The following ITIH1 variants were observed in gnomAD, a reference collection of about 807,000 sequenced individuals.
ITIH1 encodes inter-alpha-trypsin inhibitor heavy chain 1.
In ITIH1, 94 loss-of-function variants were observed where a neutral mutation model predicts 104.6. That is an observed-to-expected ratio of 0.90 (90% confidence interval 0.76 to 1.07). The LOEUF is 1.07. ITIH1 is among the 50% of genes least tolerant of loss of function. The pLI is 0.00. For missense variants in ITIH1, 1,193 were observed against 1,181.4 expected (o/e 1.01, Z -0.14); for synonymous variants, 455 against 464.4 (o/e 0.98, Z 0.26).
At chr3:52,783,696 C>G (rs1335190599) in intron 10 of ITIH1, among the ~76,000 whole-genome samples, 1 of 152,090 alleles carries the variant, frequency 6.6e-6, no homozygotes, top group African/African-American at 2.4e-5. Flanking sequence ...GGGAACAAGA[C>G]ATATTTCTGC....
intron 12 of ITIH1, among the ~76,000 whole-genome samples, chr3:52,785,949 G>T (rs1347584639): frequency 2.6e-5 from 4 of 152,220 alleles, no homozygotes; most frequent in African/African-American, 4.8e-5. Context: ...ACATTTGTGT[G>T]CCGTGGCAAG....
chr3:52,781,410 C>A (rs1044759323), intron 6 of ITIH1, among the ~76,000 whole-genome samples: 10 of 151,668 alleles, frequency 6.6e-5, no homozygotes, highest in African/African-American at 2.4e-4. Context: ...GATGAGCCTA[C>A]CTTACTTTTA....
intron 6 of ITIH1, among the ~76,000 whole-genome samples, chr3:52,781,198 TTTTTTTTTTTTTCTTCTTCTTCTTCTTC>T (rs1179429415): frequency 1.1e-4 from 5 of 43,854 alleles, no homozygotes; most frequent in African/African-American, 5.2e-4. Flanking sequence ...CCTCCTCTTC[TTTTTTTTTTTTTCTTCTTCTTCTTCTTC>T]TTCTTCTTCT....
rs990951650 is a variant in ITIH1 at position 52,779,208 on chromosome 3, C to T, written c.410+162C>T. Among the ~76,000 whole-genome samples the T allele has an allele frequency of 4.6e-5, 7 of 152,300 alleles. No individual in the cohort carries two copies. The East Asian group carries it at 9.7e-4, about 21-fold the overall frequency. On this transcript the variant is annotated intron_variant, in intron 4 of 21. Coordinates refer to ENST00000273283, the MANE Select transcript of ITIH1 (RefSeq NM_002215.4). The surrounding 1 kb of genome is among the most constrained non-coding windows in gnomAD (Gnocchi z 4.4). ...CAGCACGGTGCACTGAACAGGCTGC[C>T]GTGCAGTTGCCCTTTTCCCAGATAT...
At chr3:52,781,321 C>CCTT (rs35432560) in intron 6 of ITIH1, among the ~76,000 whole-genome samples, 34,915 of 113,400 alleles carry the variant, frequency 0.31, 7,856 homozygotes, top group Middle Eastern at 0.44. Context: ...TTCTCCTTCT[C>CCTT]CTTCTTCTTC....
rs530950984 is a variant in ITIH1 at position 52,786,212 on chromosome 3, A to T, written c.1594-83A>T. The T allele has an allele frequency of 1.8e-5, 25 of 1,398,250 alleles. No individual in the cohort carries two copies. In the African/African-American group the frequency reaches 3.2e-4, roughly 18 times the overall value. The allele number at this position is 1,398,250 out of a possible 1,614,324, so 86.6% of individuals were successfully genotyped here. The stretch of plus-strand genomic sequence containing the variant: ...GGACGAAGCTGCAGATACCAGACGA[A>T]ATGGGCCCCTCAGAGCCCCTAGCAC... On this transcript the variant is annotated intron_variant, in intron 12 of 21. Transcript: ENST00000273283.
chr3:52,788,731 T>C (rs563238880), intron 18 of ITIH1, among the ~76,000 whole-genome samples: 1 of 152,134 alleles, frequency 6.6e-6, no homozygotes, highest in Non-Finnish European at 1.5e-5. Context: ...TGGTTTATTT[T>C]TGTATTTTTA....
chr3:52,780,372 C>T lies in ITIH1; in HGVS notation c.677C>T (p.Ser226Leu). 6.2e-7 allele frequency: 1 copy of T among 1,612,664 alleles called. No homozygotes were observed. ...LAAQTIKKSFSGKKGHVLFRP... is the reference protein window; with the variant it reads ...LAAQTIKKSFLGKKGHVLFRP... The stretch of plus-strand genomic sequence containing the variant: ...GCCCAAACTATCAAGAAGTCCTTCT[C>T]AGGAAAAAAGGTACATGGGATAGCA... The change falls in exon 6 of 22, where the codon TCA becomes TTA. Residue 226 changes from serine to leucine, a missense_variant. Coordinates refer to ENST00000273283, the MANE Select transcript of ITIH1 (RefSeq NM_002215.4).
intron 19 of ITIH1, 39 bp from the exon 20 acceptor site, chr3:52,790,710 T>G: frequency 6.3e-7 from 1 of 1,596,596 alleles, no homozygotes; most frequent in Non-Finnish European, 8.5e-7. Context: ...AGGGATGCAG[T>G]GCAGCCGCAC....
chr3:52,779,331 A>C lies in ITIH1; in HGVS notation c.411-101A>C. ...CCAGGGAAACCTGGGAGCAACACTC[A>C]TCTAAGAGAAATAAATTCTGTGGGC... On this transcript the variant is annotated intron_variant, in intron 4 of 21. Transcript: ENST00000273283. The surrounding 1 kb of genome is among the most constrained non-coding windows in gnomAD (Gnocchi z 4.4). 7.7e-7 allele frequency: 1 copy of C among 1,299,370 alleles called. No individual in the cohort carries two copies. The highest frequency in any genetic ancestry group is 2.3e-5 in the East Asian group (1 of 42,624). 80.5% of individuals were successfully genotyped at this position (1,299,370 alleles called of 1,614,324 possible).
chr3:52,780,835 A>G (rs1418392342), intron 6 of ITIH1, among the ~76,000 whole-genome samples: 1 of 152,198 alleles, frequency 6.6e-6, no homozygotes, highest in African/African-American at 2.4e-5. Flanking sequence ...GTCGCTTGCC[A>G]CTATTTGCAG....
chr3:52,778,270 C>A, intron 2 of ITIH1, 70 bp from the exon 3 acceptor site: 1 of 1,504,694 alleles, frequency 6.6e-7, no homozygotes, highest in Non-Finnish European at 9.2e-7. Flanking sequence ...GCCAAGTCCC[C>A]GTACCACAGG....
intron 18 of ITIH1, among the ~76,000 whole-genome samples, chr3:52,789,176 T>A (rs1442111684): frequency 2.0e-5 from 3 of 151,390 alleles, no homozygotes; most frequent in Non-Finnish European, 4.4e-5. Flanking sequence ...TTTCATAGAG[T>A]TTAGGGAAGG....
chr3:52,789,691 A>G lies in ITIH1; in HGVS notation c.2158A>G (p.Arg720Gly). The G allele has an allele frequency of 6.2e-7, 1 of 1,614,230 alleles. No individual in the cohort carries two copies. The highest frequency in any genetic ancestry group is 8.5e-7 in the Non-Finnish European group (1 of 1,180,042). The change falls in exon 19 of 22, where the codon AGG (arginine) becomes GGG (glycine). Residue 720 changes from arginine (R) to glycine (G), a missense_variant. By Grantham distance (125) the Arg-to-Gly change is moderately radical. Coordinates refer to ENST00000273283, the MANE Select transcript of ITIH1 (RefSeq NM_002215.4). ...TGGACAGCTCATTGGCAACAAGGCC[A>G]GGAGCCCTGGGCAGCATGACGGCAC... ...VNGQLIGNKA[R>G]SPGQHDGTYF...
rs777752634 is a variant in ITIH1, at chr3:52,778,458, C to T, written c.257C>T (p.Ala86Val). The change falls in exon 3 of 22, where the codon GCC (alanine) becomes GTC (valine). Residue 86 changes from alanine (A) to valine (V), a missense_variant. Ala to Val is a moderately conservative substitution (Grantham distance 64). Transcript: ENST00000273283. ...VNTANEAREV[A>V]FDLEIPKTAF... ...ACTGCCAATGAAGCCAGGGAAGTGG[C>T]CTTCGACCTGGAAATCCCCAAGACA... 6.2e-7 allele frequency: 1 copy of T among 1,614,234 alleles called. No homozygotes were observed. The highest frequency in any genetic ancestry group is 8.5e-7 in the Non-Finnish European group (1 of 1,180,042).
At position 52,789,773 on chromosome 3, in the gene ITIH1, C is replaced by T; in HGVS notation, c.2240C>T (p.Thr747Ile). The T allele has an allele frequency of 6.2e-7, 1 of 1,614,264 alleles. No homozygotes were observed. The highest frequency in any genetic ancestry group is 8.5e-7 in the Non-Finnish European group (1 of 1,180,048). ...GCCACGGACTTTCAGTTGGAAGTGA[C>T]TCCTCAGAACATTACGCTGAACCCC... is the stretch of plus-strand genomic sequence containing the variant. ...NPATDFQLEV[T>I]PQNITLNPGF... The change falls in exon 19 of 22, where the codon ACT becomes ATT. Residue 747 changes from threonine (T) to isoleucine (I), a missense_variant. Transcript: ENST00000273283.
rs755602109 is a variant in ITIH1, at chr3:52,790,920, G to A, written c.2493G>A (p.Leu831=). The A allele has an allele frequency of 1.3e-6, 2 of 1,596,664 alleles. No individual in the cohort carries two copies. Among genetic ancestry groups the A allele is most frequent in the Non-Finnish European group, 1.7e-6 (2 of 1,173,642 alleles). Residue 831 remains leucine (L), a splice_region_variant and synonymous_variant, in exon 20 of 22, where the codon CTG becomes CTA. Transcript: ENST00000273283. ...HRMSARTHGL[L]GQFFHPIGFE... is the part of the protein sequence containing the mutation. ...TGTCAGCCCGGACGCACGGGCTGCT[G>A]GGTACGGCTGGCCAGGCTGGCAGGG...
At chr3:52,789,297 A>T (rs887819968) in intron 18 of ITIH1, among the ~76,000 whole-genome samples, 2 of 151,736 alleles carry the variant, frequency 1.3e-5, no homozygotes, top group Admixed American at 6.6e-5. Flanking sequence ...GTCAGCGGAG[A>T]CCTCTGTGAA....
chr3:52,786,173 G>T, intron 12 of ITIH1, 122 bp from the exon 13 acceptor site: 1 of 927,906 alleles, frequency 1.1e-6, no homozygotes, highest in Non-Finnish European at 1.6e-6. Context: ...GCTCAGGGAA[G>T]CAGGTGATGC....
Sources: allele counts gnomAD v4.1 joint callset (sites outside exome capture counted in the v4.1 genomes callset), GRCh38; gene constraint gnomAD v4.1.1; non-coding constraint Gnocchi (gnomAD v3.1); transcripts MANE v1.5; gene names NCBI Gene and HGNC (gene_info 2026-07-23, HGNC 2026-07-21).